The following DNMT1 variants were observed in gnomAD, a reference collection of about 807,000 sequenced individuals.
DNMT1 encodes DNA (cytosine-5)-methyltransferase 1.
Under a neutral mutation model 205.3 loss-of-function variants are expected in DNMT1, and 24 were observed. That is an observed-to-expected ratio of 0.12 (90% CI 0.08 to 0.16). DNMT1 has a LOEUF of 0.16. Ranked by LOEUF, DNMT1 falls within the 10% of genes least tolerant of loss-of-function variation. The probability of loss-of-function intolerance (pLI) is 1.00; values close to 1 mark genes in which losing one functional copy is unlikely to be tolerated. For synonymous variants in DNMT1, 817 were observed against 839.8 expected (o/e 0.97, Z 0.47); for missense variants, 1,293 against 2,177.7 (o/e 0.59, Z 8.09).
At chr19:10,135,212 CAAAAAAAAA>C (rs34374135) in intron 39 of DNMT1, among the ~76,000 whole-genome samples, 10 of 108,514 alleles carry the variant, frequency 9.2e-5, no homozygotes, top group Non-Finnish European at 1.9e-4. Context: ...AGCTCCATCT[CAAAAAAAAA>C]AAAAAAAAAG....
intron 29 of DNMT1, 29 bp from the exon 30 acceptor site, chr19:10,142,249 C>T (rs374450653): frequency 3.7e-5 from 59 of 1,613,472 alleles, no homozygotes; most frequent in Admixed American, 1.0e-4. Context: ...TCGTTAGGAG[C>T]TCTCCTTTGT....
chr19:10,189,959 T>C (rs2039268175), intron 1 of DNMT1, among the ~76,000 whole-genome samples: 1 of 152,146 alleles, frequency 6.6e-6, no homozygotes, highest in African/African-American at 2.4e-5. Context: ...CCCCTTTTTA[T>C]AGATGAAACA....
intron 7 of DNMT1, among the ~76,000 whole-genome samples, chr19:10,175,080 T>TAC (rs1346211425): frequency 2.4e-4 from 22 of 90,616 alleles, no homozygotes; most frequent in East Asian, 1.4e-3. Context: ...AATACATACA[T>TAC]ACATACACAC....
chr19:10,152,594 C>T (rs1255155321), intron 22 of DNMT1, among the ~76,000 whole-genome samples: 2 of 151,674 alleles, frequency 1.3e-5, no homozygotes, highest in Admixed American at 6.6e-5. Context: ...ATCCCATCTA[C>T]AAAATGTTTT....
rs2145311696 is a variant in DNMT1, at chr19:10,156,052, T to C, written c.1400-107A>G. 1 of 1,134,648 alleles carries C rather than the reference T, an allele frequency of 8.8e-7. No homozygotes were observed. The highest frequency in any genetic ancestry group is 1.5e-5 in the African/African-American group (1 of 64,978). 70.3% of individuals were successfully genotyped at this position (1,134,648 alleles called of 1,614,324 possible). Reference sequence around the variant, plus strand: ...ACATCCCATCAGCCAGGTCGGGTGCTCCTCAGTCATCACAATGACTTGGCC... The same window carrying C: ...ACATCCCATCAGCCAGGTCGGGTGCCCCTCAGTCATCACAATGACTTGGCC... On this transcript the variant is annotated intron_variant, in intron 18 of 40. Transcript: ENST00000359526. This position sits in a 1 kb window ranked among gnomAD's most constrained non-coding sequence, Gnocchi z 4.2.
At chr19:10,153,618 CAG>C (rs1371223960) in intron 22 of DNMT1, among the ~76,000 whole-genome samples, 1 of 142,510 alleles carries the variant, frequency 7.0e-6, no homozygotes, top group East Asian at 2.0e-4. Context: ...GCCTGGGTGA[CAG>C]AGAGAGACTG....
chr19:10,154,161 T>G lies in DNMT1; in HGVS notation c.2019+132A>C. 1 of 955,826 alleles carries G rather than the reference T, an allele frequency of 1.0e-6. No individual in the cohort carries two copies. Among genetic ancestry groups the G allele is most frequent in the African/African-American group, 1.6e-5 (1 of 61,976 alleles). 59.2% of individuals were successfully genotyped at this position (955,826 alleles called of 1,614,324 possible). On this transcript the variant is annotated intron_variant, in intron 22 of 40. Transcript: ENST00000359526. The surrounding 1 kb of genome is among the most constrained non-coding windows in gnomAD (Gnocchi z 6.3). ...TGCAGGGTCCTCCCAGACCACTAAC[T>G]AATTTCTGTCTCAGGGGTCACATTT... is the stretch of plus-strand genomic sequence containing the variant.
At chr19:10,172,266 T>C (rs1010508501) in intron 9 of DNMT1, among the ~76,000 whole-genome samples, 2 of 151,304 alleles carry the variant, frequency 1.3e-5, no homozygotes, top group African/African-American at 2.4e-5. Context: ...AAATACAAAA[T>C]TATCTGGCTG....
chr19:10,155,009 T>C lies in DNMT1; in HGVS notation c.1540A>G (p.Ile514Val). 6.2e-7 allele frequency: 1 copy of C among 1,613,906 alleles called. No individual in the cohort carries two copies. Among genetic ancestry groups the C allele is most frequent in the Non-Finnish European group, 8.5e-7 (1 of 1,180,000 alleles). The stretch of plus-strand genomic sequence containing the variant: ...ATCTTCTCCTGCATCAGCCCAAATA[T>C]GGGCGCATACTCGGGACTGGGATCC... ...LMDPSPEYAP[I>V]FGLMQEKIYI... The change falls in exon 20 of 41, where the codon ATA (isoleucine) becomes GTA (valine). Residue 514 changes from isoleucine to valine, a missense_variant. Transcript: ENST00000359526.
chr19:10,166,902 G>A (rs1479954237), intron 10 of DNMT1, among the ~76,000 whole-genome samples: 1 of 152,234 alleles, frequency 6.6e-6, no homozygotes, highest in Non-Finnish European at 1.5e-5. Context: ...GTTGGTCAGA[G>A]ATGCCAGTGG....
At chr19:10,184,594 C>T (rs1259954290) in intron 1 of DNMT1, 1 of 152,232 alleles carries the variant, frequency 6.6e-6, no homozygotes. Context: ...GGGAGGATGG[C>T]TTGTGGGCAG....
intron 27 of DNMT1, among the ~76,000 whole-genome samples, chr19:10,147,304 G>A (rs2038222008): frequency 6.6e-6 from 1 of 151,506 alleles, no homozygotes. Context: ...AAAAGAGGTT[G>A]GGTGATAAAT....
At position 10,156,622 on chromosome 19, in the gene DNMT1, TTTTG is replaced by T; in HGVS notation, c.1281-117_1281-114del. 11 of 775,518 alleles carry T rather than the reference TTTTG, an allele frequency of 1.4e-5. No homozygotes were observed. The highest frequency in any genetic ancestry group is 8.4e-5 in the South Asian group (6 of 71,236). The allele number at this position is 775,518 out of a possible 1,614,324, so 48.0% of individuals were successfully genotyped here. A position where few individuals can be genotyped will look rare whatever the true frequency, so the allele number is the denominator to read the frequency against. ...AGAATGTACAAGTCTGACACTCTTT[TTTTG>T]TTTGTTTTTGAGACAGAGTCTTGCT... On this transcript the variant is annotated intron_variant, in intron 17 of 40. Transcript: ENST00000359526. The surrounding 1 kb of genome is among the most constrained non-coding windows in gnomAD (Gnocchi z 4.2).
rs780835976 is a variant in DNMT1 at position 10,135,624 on chromosome 19, C to T, written c.4773+112G>A. The stretch of plus-strand genomic sequence containing the variant: ...TCCCACTGAGAGTGATGGGGCTACC[C>T]GGCAGCCAGCAGGCGTCCTCCCGGA... On this transcript the variant is annotated intron_variant, in intron 39 of 40. Coordinates refer to ENST00000359526, the MANE Select transcript of DNMT1 (RefSeq NM_001130823.3). The T allele has an allele frequency of 4.2e-5, 48 of 1,146,780 alleles. No individual in the cohort carries two copies. In the South Asian group the frequency reaches 5.4e-4, roughly 13 times the overall value. 71.0% of individuals were successfully genotyped at this position (1,146,780 alleles called of 1,614,324 possible). A position where few individuals can be genotyped will look rare whatever the true frequency, so the allele number is the denominator to read the frequency against.
chr19:10,157,275 C>T (rs2038477685), intron 17 of DNMT1, among the ~76,000 whole-genome samples: 1 of 151,856 alleles, frequency 6.6e-6, no homozygotes, highest in South Asian at 2.1e-4. Context: ...TTCAAGATAC[C>T]TCATATGGTT....
chr19:10,147,712 G>A, intron 27 of DNMT1, among the ~76,000 whole-genome samples: 1 of 152,172 alleles, frequency 6.6e-6, no homozygotes, highest in East Asian at 1.9e-4. Flanking sequence ...TTGGCCTCCT[G>A]GGTTTCCCTG....
intron 1 of DNMT1, among the ~76,000 whole-genome samples, chr19:10,182,514 CATATATATGTGT>C (rs2039086920): frequency 1.7e-5 from 2 of 116,516 alleles, no homozygotes. Flanking sequence ...TATATATATA[CATATATATGTGT>C]ATATGTGTAT....
chr19:10,187,307 A>T (rs1022548655), intron 1 of DNMT1, among the ~76,000 whole-genome samples: 2 of 152,026 alleles, frequency 1.3e-5, no homozygotes, highest in African/African-American at 4.8e-5. Flanking sequence ...GCTCGTCTGA[A>T]ATACAGCAGA....
At chr19:10,188,782 C>T (rs965913419) in intron 1 of DNMT1, among the ~76,000 whole-genome samples, 2 of 152,102 alleles carry the variant, frequency 1.3e-5, no homozygotes, top group African/African-American at 4.8e-5. Context: ...AGATGCAACC[C>T]GCAAATGCTG....
Sources: gnomAD v4.1 joint callset for allele counts (sites outside exome capture counted in the v4.1 genomes callset) on GRCh38, gnomAD v4.1.1 for gene constraint, Gnocchi (gnomAD v3.1) non-coding constraint, MANE v1.5 for transcripts, NCBI Gene and HGNC (gene_info 2026-07-23, HGNC 2026-07-21) for gene names.